The following PKP4 variants were observed in gnomAD, a reference collection of about 807,000 sequenced individuals.
The protein encoded by PKP4 is plakophilin 4, also known as plakophilin-4.
Under a neutral mutation model 145.1 loss-of-function variants are expected in PKP4, and 90 were observed. The observed-to-expected ratio is 0.62, with a 90% CI of 0.52 to 0.74. The LOEUF is 0.74. Among genes scored for constraint, PKP4 ranks in the 30% least tolerant of loss-of-function variants. PKP4 has a pLI of 0.00. For synonymous variants in PKP4, 563 were observed against 577.2 expected (o/e 0.98, Z 0.35); for missense variants, 1,340 against 1,482.7 (o/e 0.90, Z 1.58).
intron 6 of PKP4, among the ~76,000 whole-genome samples, chr2:158,623,241 A>G (rs1312049251): frequency 6.6e-6 from 1 of 152,128 alleles, no homozygotes; most frequent in Non-Finnish European, 1.5e-5. Context: ...TGGCAAAATC[A>G]TAGCTCACTA....
chr2:158,571,696 A>C (rs1037682185), intron 2 of PKP4, among the ~76,000 whole-genome samples: 1 of 152,222 alleles, frequency 6.6e-6, no homozygotes, highest in African/African-American at 2.4e-5. Flanking sequence ...AGACTTCCAC[A>C]GGGCACAGTT....
chr2:158,647,065 T>A (rs544589783), intron 11 of PKP4, among the ~76,000 whole-genome samples: 2 of 152,334 alleles, frequency 1.3e-5, no homozygotes, highest in South Asian at 4.1e-4. Flanking sequence ...AAAGCACGTC[T>A]GCTCTGAACT....
At chr2:158,608,594 G>A (rs1419535544) in intron 4 of PKP4, among the ~76,000 whole-genome samples, 1 of 152,032 alleles carries the variant, frequency 6.6e-6, no homozygotes, top group African/African-American at 2.4e-5. Flanking sequence ...TTGAGGGGAA[G>A]GAGGAAGGGT....
chr2:158,645,828 AACAGGAAGAAAAGT>A (rs773482405), intron 11 of PKP4, among the ~76,000 whole-genome samples: 1 of 152,230 alleles, frequency 6.6e-6, no homozygotes, highest in South Asian at 2.1e-4. Flanking sequence ...TTTAGTGTTA[AACAGGAAGAAAAGT>A]ACATGATTGT....
At chr2:158,598,488 C>T (rs1488088697) in intron 3 of PKP4, among the ~76,000 whole-genome samples, 2 of 152,174 alleles carry the variant, frequency 1.3e-5, no homozygotes, top group Non-Finnish European at 2.9e-5. Flanking sequence ...CCTGTTATTG[C>T]CGGGCGTGGT....
intron 12 of PKP4, chr2:158,661,071 A>C (rs2056530460): frequency 7.5e-6 from 2 of 268,108 alleles, no homozygotes; most frequent in Non-Finnish European, 1.5e-5. Flanking sequence ...AGGCCCCTAA[A>C]GAATTATATG....
Position 158,604,820 on chromosome 2 carries a change from A to G in PKP4, c.280+1716A>G, listed in dbSNP as rs74949920. 9.2e-5 allele frequency among the ~76,000 whole-genome samples: 14 copies of G among 152,316 alleles called. No homozygotes were observed. The East Asian group carries it at 1.7e-3, about 19-fold the overall frequency. ...TGAAGAAAACACTTCTGTTAAACCG[A>G]TAGGTCCATGCATATTAATACTTTA... On this transcript the variant is annotated intron_variant, in intron 4 of 21. Coordinates refer to ENST00000389759, the MANE Select transcript of PKP4 (RefSeq NM_003628.6).
In PKP4 at chr2:158,542,770, T is replaced by TTAC. The variant is rs200080696; in HGVS notation, c.132+9464_132+9466dup. ...AGCTAGATTGCTATCTCTGTTCTCCTTACTACTACTACCACCACCACCACT... is the reference window on the plus strand; with the variant it reads ...AGCTAGATTGCTATCTCTGTTCTCCTTACTACTACTACTACCACCACCACCACT... On this transcript the variant is annotated intron_variant, in intron 2 of 21. Transcript: ENST00000389759. Among the ~76,000 whole-genome samples, 1,139 of 152,240 alleles carry TTAC rather than the reference T, an allele frequency of 7.5e-3. 14 individuals are homozygous for TTAC. The highest frequency in any genetic ancestry group is 0.026 in the African/African-American group (1,086 of 41,540).
chr2:158,555,647 A>G (rs926029930), intron 2 of PKP4, among the ~76,000 whole-genome samples: 6 of 152,222 alleles, frequency 3.9e-5, no homozygotes, highest in Admixed American at 6.5e-5. Flanking sequence ...ATGGATGGTA[A>G]TAGTACTTCA....
rs909644411 is a variant in PKP4 at position 158,680,668 on chromosome 2, A to G, written c.3570A>G (p.Ser1190=). 2 of 1,610,952 alleles carry G rather than the reference A, an allele frequency of 1.2e-6. No homozygotes were observed. Among genetic ancestry groups the G allele is most frequent in the Admixed American group, 3.4e-5 (2 of 59,344 alleles). Reference sequence around the variant, plus strand: ...AACAGTACCCAGGGTCCCCAGACTCATGGGTGTAGCATCAAGATGCCCAAC... The same window carrying G: ...AACAGTACCCAGGGTCCCCAGACTCGTGGGTGTAGCATCAAGATGCCCAAC... ...RAEQYPGSPD[S]WV The change falls in exon 22 of 22, where the codon TCA becomes TCG. Residue 1190 remains serine, a synonymous_variant. Transcript: ENST00000389759.
chr2:158,651,890 A>C (rs1321777004), intron 11 of PKP4, among the ~76,000 whole-genome samples: 1 of 151,962 alleles, frequency 6.6e-6, no homozygotes, highest in East Asian at 2.0e-4. Context: ...AGGATATTCA[A>C]GCCATACCTG....
intron 4 of PKP4, among the ~76,000 whole-genome samples, chr2:158,611,120 G>C (rs2051109787): frequency 6.6e-6 from 1 of 152,166 alleles, no homozygotes; most frequent in African/African-American, 2.4e-5. Context: ...ATGAACAGGA[G>C]AGAAAATAGT....
intron 2 of PKP4, among the ~76,000 whole-genome samples, chr2:158,539,909 TG>T (rs970767996): frequency 3.3e-5 from 5 of 152,196 alleles, no homozygotes; most frequent in Admixed American, 6.5e-5. Flanking sequence ...CCCTTCATTT[TG>T]TTAACGATGC....
chr2:158,589,727 C>A (rs917429852), intron 3 of PKP4, among the ~76,000 whole-genome samples: 1 of 152,052 alleles, frequency 6.6e-6, no homozygotes, highest in Non-Finnish European at 1.5e-5. Context: ...CTTTAATATT[C>A]ATGATGAAAT....
intron 2 of PKP4, among the ~76,000 whole-genome samples, chr2:158,553,158 A>G (rs528782885): frequency 8.5e-5 from 13 of 152,232 alleles, no homozygotes; most frequent in Non-Finnish European, 1.6e-4. Context: ...GAGAGGAAAA[A>G]CAAATCAAGG....
At chr2:158,501,953 G>A (rs1696649615) in intron 1 of PKP4, among the ~76,000 whole-genome samples, 1 of 152,118 alleles carries the variant, frequency 6.6e-6, no homozygotes, top group African/African-American at 2.4e-5. Context: ...TGTGCCTCAG[G>A]AGCATGGTGG....
chr2:158,560,145 G>A (rs887341438), intron 2 of PKP4, among the ~76,000 whole-genome samples: 7 of 152,168 alleles, frequency 4.6e-5, no homozygotes, highest in Non-Finnish European at 8.8e-5. Flanking sequence ...AGGATTACAG[G>A]CGTGAGCCAC....
intron 11 of PKP4, among the ~76,000 whole-genome samples, chr2:158,651,024 C>T (rs2055314128): frequency 6.6e-6 from 1 of 152,172 alleles, no homozygotes; most frequent in Non-Finnish European, 1.5e-5. Context: ...CTGGGAATGG[C>T]TATATACCAC....
At chr2:158,630,187 A>G (rs1272515591) in intron 7 of PKP4, among the ~76,000 whole-genome samples, 1 of 152,344 alleles carries the variant, frequency 6.6e-6, no homozygotes, top group Non-Finnish European at 1.5e-5. Context: ...TTTACTTACC[A>G]ATAATGGAAG....
Sources: allele counts gnomAD v4.1 joint callset (sites outside exome capture counted in the v4.1 genomes callset), GRCh38; gene constraint gnomAD v4.1.1; transcripts MANE v1.5; gene names NCBI Gene and HGNC (gene_info 2026-07-23, HGNC 2026-07-21).